The following HS6ST3 variants were observed in gnomAD, a reference collection of about 807,000 sequenced individuals.
HS6ST3 encodes heparan sulfate 6-O-sulfotransferase 3.
In HS6ST3, 12 loss-of-function variants were observed where a neutral mutation model predicts 36.7. The observed-to-expected ratio is 0.33, with a 90% CI of 0.21 to 0.53. The LOEUF (loss-of-function observed/expected upper bound fraction) is 0.53. Ranked by LOEUF, HS6ST3 falls within the 20% of genes least tolerant of loss-of-function variation. HS6ST3 has a pLI of 0.95. For synonymous variants in HS6ST3, 240 were observed against 257.5 expected, an observed-to-expected ratio of 0.93 and a Z score of 0.65; for missense variants, 584 against 640.9, an observed-to-expected ratio of 0.91 and a Z score of 0.96.
At chr13:96,490,815 T>C (rs184929156) in intron 1 of HS6ST3, among the ~76,000 whole-genome samples, 348 of 152,308 alleles carry the variant, frequency 2.3e-3, no homozygotes, top group African/African-American at 8.2e-3. Flanking sequence ...CACGCTCTGG[T>C]TCTATTATTG....
At chr13:96,275,562 C>T (rs1207426811) in intron 1 of HS6ST3, among the ~76,000 whole-genome samples, 4 of 152,106 alleles carry the variant, frequency 2.6e-5, no homozygotes, top group Admixed American at 2.0e-4. Context: ...ACAATGTTTC[C>T]AAAGTCATGG....
At chr13:96,579,639 G>A (rs758118848) in intron 1 of HS6ST3, among the ~76,000 whole-genome samples, 7 of 151,878 alleles carry the variant, frequency 4.6e-5, no homozygotes, top group South Asian at 4.1e-4. Flanking sequence ...AAGTCAACAA[G>A]CCAATGCTAA....
At chr13:96,486,158 T>C (rs913155453) in intron 1 of HS6ST3, among the ~76,000 whole-genome samples, 1 of 152,108 alleles carries the variant, frequency 6.6e-6, no homozygotes, top group Non-Finnish European at 1.5e-5. Flanking sequence ...AATGATGGTT[T>C]CCAGCTTCAT....
chr13:96,527,681 G>C (rs1187720752), intron 1 of HS6ST3, among the ~76,000 whole-genome samples: 2 of 152,176 alleles, frequency 1.3e-5, no homozygotes, highest in Non-Finnish European at 2.9e-5. Flanking sequence ...CTTCATAGGT[G>C]AGAGGATCAC....
intron 1 of HS6ST3, among the ~76,000 whole-genome samples, chr13:96,667,004 T>G (rs2056666230): frequency 6.6e-6 from 1 of 152,170 alleles, no homozygotes; most frequent in African/African-American, 2.4e-5. Context: ...CAAAAATATC[T>G]TTCTCATGCT....
chr13:96,424,052 C>T (rs1365822893), intron 1 of HS6ST3, among the ~76,000 whole-genome samples: 1 of 152,176 alleles, frequency 6.6e-6, no homozygotes, highest in Non-Finnish European at 1.5e-5. Flanking sequence ...ATTCATATTA[C>T]AAGTGTGTGT....
chr13:96,749,777 T>C (rs746662849), intron 1 of HS6ST3, among the ~76,000 whole-genome samples: 1 of 152,168 alleles, frequency 6.6e-6, no homozygotes, highest in Non-Finnish European at 1.5e-5. Context: ...GTATAATTTG[T>C]AGTGTCATTG....
intron 1 of HS6ST3, among the ~76,000 whole-genome samples, chr13:96,352,301 C>T (rs888804042): frequency 1.3e-5 from 2 of 152,216 alleles, no homozygotes; most frequent in African/African-American, 4.8e-5. Flanking sequence ...GGGTTGGAAT[C>T]TCTCTTGAGT....
At chr13:96,211,025 G>A (rs997135479) in intron 1 of HS6ST3, among the ~76,000 whole-genome samples, 3 of 151,790 alleles carry the variant, frequency 2.0e-5, no homozygotes, top group Non-Finnish European at 2.9e-5. Context: ...CCACTTCCTG[G>A]GTTCAATTGA....
chr13:96,224,060 A>G (rs1416226400), intron 1 of HS6ST3, among the ~76,000 whole-genome samples: 2 of 151,778 alleles, frequency 1.3e-5, no homozygotes, highest in African/African-American at 4.8e-5. Flanking sequence ...GTATAAGAGC[A>G]TGACTCAGCC....
At chr13:96,600,863 G>A (rs551719060) in intron 1 of HS6ST3, among the ~76,000 whole-genome samples, 1 of 152,098 alleles carries the variant, frequency 6.6e-6, no homozygotes, top group East Asian at 1.9e-4. Context: ...TGGTCTAGTG[G>A]TGACAAGTTC....
chr13:96,239,138 A>C (rs977152641), intron 1 of HS6ST3, among the ~76,000 whole-genome samples: 1 of 152,240 alleles, frequency 6.6e-6, no homozygotes, highest in Non-Finnish European at 1.5e-5. Flanking sequence ...CAAAAATTGC[A>C]TTCATGCAAT....
intron 1 of HS6ST3, among the ~76,000 whole-genome samples, chr13:96,677,623 A>AT (rs908875588): frequency 2.6e-5 from 4 of 152,014 alleles, no homozygotes; most frequent in South Asian, 2.1e-4. Flanking sequence ...ATTAAATATC[A>AT]TTTTTTCTTC....
intron 1 of HS6ST3, among the ~76,000 whole-genome samples, chr13:96,538,437 C>A (rs1295235155): frequency 6.6e-6 from 1 of 152,140 alleles, no homozygotes; most frequent in Non-Finnish European, 1.5e-5. Context: ...CATTTGAGCA[C>A]ATGAAAATTT....
At chr13:96,712,090 G>T (rs563494689) in intron 1 of HS6ST3, among the ~76,000 whole-genome samples, 3 of 152,260 alleles carry the variant, frequency 2.0e-5, no homozygotes, top group African/African-American at 7.2e-5. Context: ...TGGTGTATTT[G>T]TCAGTGATTC....
chr13:96,464,205 A>T (rs909562126), intron 1 of HS6ST3, among the ~76,000 whole-genome samples: 12 of 150,664 alleles, frequency 8.0e-5, no homozygotes, highest in African/African-American at 2.7e-4. Context: ...AGACAATGAG[A>T]TGCCAAACCC....
chr13:96,451,370 C>G (rs771980996), intron 1 of HS6ST3, among the ~76,000 whole-genome samples: 5 of 152,050 alleles, frequency 3.3e-5, no homozygotes, highest in African/African-American at 4.8e-5. Flanking sequence ...TCGCTGTAGT[C>G]TAAAGGTTAA....
At chr13:96,825,930 C>T (rs1202527551) in intron 1 of HS6ST3, among the ~76,000 whole-genome samples, 1 of 152,200 alleles carries the variant, frequency 6.6e-6, no homozygotes. Flanking sequence ...TGCAGTAAGA[C>T]TTGAGGGCAT....
chr13:96,661,766 G>A, intron 1 of HS6ST3, among the ~76,000 whole-genome samples: 1 of 152,080 alleles, frequency 6.6e-6, no homozygotes, highest in East Asian at 1.9e-4. Flanking sequence ...AATGCCTATG[G>A]CATTCCTTGT....
Sources: allele counts gnomAD v4.1 joint callset (sites outside exome capture counted in the v4.1 genomes callset), GRCh38; gene constraint gnomAD v4.1.1; transcripts MANE v1.5; gene names NCBI Gene and HGNC (gene_info 2026-07-23, HGNC 2026-07-21).